The following OSBPL10 variants were observed in gnomAD, a reference collection of about 807,000 sequenced individuals.
The protein encoded by OSBPL10 is oxysterol binding protein like 10, also known as oxysterol-binding protein-related protein 10.
OSBPL10 carries 49 observed loss-of-function variants against 81.7 expected under a neutral mutation model. The observed-to-expected ratio is 0.60, with a 90% CI of 0.48 to 0.76. The LOEUF is 0.76. Ranked by LOEUF, OSBPL10 falls within the 30% of genes least tolerant of loss-of-function variation. OSBPL10 has a pLI of 0.00. For synonymous variants in OSBPL10, 419 were observed against 383.6 expected (o/e 1.09, Z -1.08); for missense variants, 923 against 987.8 (o/e 0.93, Z 0.88).
At chr3:31,775,756 C>A (rs756560574) in intron 4 of OSBPL10, among the ~76,000 whole-genome samples, 1 of 151,932 alleles carries the variant, frequency 6.6e-6, no homozygotes, top group Non-Finnish European at 1.5e-5. Flanking sequence ...TAAGAGTAAT[C>A]TGGAATGACA....
chr3:31,900,037 T>TC (rs1696187491), intron 1 of OSBPL10, among the ~76,000 whole-genome samples: 1 of 151,372 alleles, frequency 6.6e-6, no homozygotes, highest in African/African-American at 2.4e-5. Context: ...TTTTTTTTTT[T>TC]TTTTTTAAGA....
At chr3:31,783,306 T>C (rs1010346352) in intron 4 of OSBPL10, among the ~76,000 whole-genome samples, 2 of 151,704 alleles carry the variant, frequency 1.3e-5, no homozygotes, top group Non-Finnish European at 2.9e-5. Flanking sequence ...AGCTAAGCTA[T>C]GAGGATGCAA....
chr3:31,915,701 T>C (rs1282990683), intron 1 of OSBPL10, among the ~76,000 whole-genome samples: 2 of 151,836 alleles, frequency 1.3e-5, no homozygotes, highest in African/African-American at 2.4e-5. Context: ...AACGTGAGCA[T>C]CACTCAGTAC....
chr3:31,981,261 A>G lies in OSBPL10; in HGVS notation c.-82T>C, dbSNP rs1698836307. On this transcript the variant is annotated 5_prime_UTR_variant, in exon 1 of 12. Coordinates refer to ENST00000396556, the MANE Select transcript of OSBPL10 (RefSeq NM_017784.5). The surrounding 1 kb of genome is among the most constrained non-coding windows in gnomAD (Gnocchi z 4.5). Reference sequence around the variant, plus strand: ...GCTGCTGCTGCTGCTACAGCTCCGGACGCCCGGGCCGCGCGTGCCTGCTCC... The same window carrying G: ...GCTGCTGCTGCTGCTACAGCTCCGGGCGCCCGGGCCGCGCGTGCCTGCTCC... The G allele has an allele frequency of 1.1e-5, 15 of 1,305,342 alleles. No homozygotes were observed. The highest frequency in any genetic ancestry group is 2.9e-4 in the Middle Eastern group (1 of 3,418). The allele number at this position is 1,305,342 out of a possible 1,614,324, so 80.9% of individuals were successfully genotyped here. A position where few individuals can be genotyped will look rare whatever the true frequency, so the allele number is the denominator to read the frequency against.
At chr3:31,664,848 A>G (rs1364221396) in intron 10 of OSBPL10, among the ~76,000 whole-genome samples, 1 of 152,122 alleles carries the variant, frequency 6.6e-6, no homozygotes, top group Non-Finnish European at 1.5e-5. Context: ...TGTCTACACA[A>G]AGCCATTTCT....
At chr3:31,765,809 T>A (rs1335463018) in intron 4 of OSBPL10, among the ~76,000 whole-genome samples, 3 of 152,178 alleles carry the variant, frequency 2.0e-5, no homozygotes, top group African/African-American at 7.2e-5. Context: ...TTTCATATTT[T>A]CCTTGTATAC....
chr3:31,791,436 T>C (rs955229125), intron 4 of OSBPL10, among the ~76,000 whole-genome samples: 1 of 152,224 alleles, frequency 6.6e-6, no homozygotes, highest in African/African-American at 2.4e-5. Context: ...GAAATCAGCG[T>C]GCATTTCCCC....
chr3:32,059,007 AG>A (rs987527325), intron 1 of OSBPL10, among the ~76,000 whole-genome samples: 27 of 152,210 alleles, frequency 1.8e-4, no homozygotes, highest in African/African-American at 6.3e-4. Context: ...TTTTAAAAAC[AG>A]GCTAGGCTGG....
intron 2 of OSBPL10, among the ~76,000 whole-genome samples, chr3:32,005,629 C>A (rs1014493858): frequency 6.6e-6 from 1 of 152,142 alleles, no homozygotes; most frequent in African/African-American, 2.4e-5. Context: ...CACTCTGTTG[C>A]CAGGCTGGAG....
At chr3:31,963,997 C>T (rs1465339772) in intron 1 of OSBPL10, among the ~76,000 whole-genome samples, 1 of 152,036 alleles carries the variant, frequency 6.6e-6, no homozygotes, top group Non-Finnish European at 1.5e-5. Flanking sequence ...CCATTCAAAG[C>T]AATATTTCCA....
chr3:31,864,701 G>A (rs1701134630), intron 3 of OSBPL10, among the ~76,000 whole-genome samples: 2 of 152,086 alleles, frequency 1.3e-5, no homozygotes, highest in Admixed American at 6.5e-5. Context: ...ACTGAATGAT[G>A]GGTAGAGATA....
intron 2 of OSBPL10, among the ~76,000 whole-genome samples, chr3:32,019,777 A>G (rs1048126077): frequency 6.6e-6 from 1 of 152,208 alleles, no homozygotes; most frequent in Non-Finnish European, 1.5e-5. Context: ...GCAGTCTTTC[A>G]TTGTGTTATC....
At chr3:31,785,007 C>A (rs1282097486) in intron 4 of OSBPL10, among the ~76,000 whole-genome samples, 1 of 152,080 alleles carries the variant, frequency 6.6e-6, no homozygotes, top group African/African-American at 2.4e-5. Context: ...GCCTCAGCCT[C>A]CTGAGTAGCT....
At chr3:31,664,587 CCT>C in intron 10 of OSBPL10, 1 of 342,986 alleles carries the variant, frequency 2.9e-6, no homozygotes, top group South Asian at 3.4e-5. Flanking sequence ...CATACATAAA[CCT>C]CTTTAATCCT....
chr3:31,783,146 T>TATATATATATATACACACAC (rs1485968747), intron 4 of OSBPL10, among the ~76,000 whole-genome samples: 78 of 112,820 alleles, frequency 6.9e-4, no homozygotes, highest in African/African-American at 2.7e-3. Context: ...TATATATATA[T>TATATATATATATACACACAC]ACACACACAC....
At chr3:31,847,809 G>A (rs1049551148) in intron 3 of OSBPL10, among the ~76,000 whole-genome samples, 14 of 152,042 alleles carry the variant, frequency 9.2e-5, no homozygotes, top group African/African-American at 3.4e-4. Context: ...CAGCAACATG[G>A]GAAACTATTA....
intron 7 of OSBPL10, among the ~76,000 whole-genome samples, chr3:31,694,289 T>C (rs1695644433): frequency 7.2e-6 from 1 of 138,332 alleles, no homozygotes; most frequent in Admixed American, 8.7e-5. Flanking sequence ...GAGAATCACT[T>C]GAACTCGGGA....
At chr3:31,748,270 TC>T in intron 4 of OSBPL10, 150 bp from the exon 5 acceptor site, 1 of 726,938 alleles carries the variant, frequency 1.4e-6, no homozygotes, top group Non-Finnish European at 2.3e-6. Context: ...AAATACTCAA[TC>T]CTGGGTGAAA....
intron 3 of OSBPL10, among the ~76,000 whole-genome samples, chr3:31,844,318 C>A (rs1216959850): frequency 6.6e-6 from 1 of 152,098 alleles, no homozygotes; most frequent in Non-Finnish European, 1.5e-5. Context: ...ATGCCTTATA[C>A]AAAAGAATTA....
Sources: allele counts gnomAD v4.1 joint callset (sites outside exome capture counted in the v4.1 genomes callset), GRCh38; gene constraint gnomAD v4.1.1; non-coding constraint Gnocchi (gnomAD v3.1); transcripts MANE v1.5; gene names NCBI Gene and HGNC (gene_info 2026-07-23, HGNC 2026-07-21).